The following ATL1 variants were observed in gnomAD, a reference collection of about 807,000 sequenced individuals.
The protein encoded by ATL1 is atlastin GTPase 1.
In ATL1, 31 loss-of-function variants were observed where a neutral mutation model predicts 75.5. That is an observed-to-expected ratio of 0.41 (90% CI 0.31 to 0.55). ATL1 has a LOEUF of 0.55. Among genes scored for constraint, ATL1 ranks in the 20% least tolerant of loss-of-function variants. The probability of loss-of-function intolerance (pLI) is 0.27; values close to 1 mark genes in which losing one functional copy is unlikely to be tolerated. For synonymous variants in ATL1, 226 were observed against 233.3 expected, an observed-to-expected ratio of 0.97 and a Z score of 0.28; for missense variants, 405 against 662.6, an observed-to-expected ratio of 0.61 and a Z score of 4.27.
At chr14:50,598,582 C>G (rs780432372) in intron 6 of ATL1, among the ~76,000 whole-genome samples, 13 of 152,024 alleles carry the variant, frequency 8.6e-5, no homozygotes, top group Non-Finnish European at 1.8e-4. Flanking sequence ...AGGATGGTCT[C>G]GAACTCCTGA....
chr14:50,619,964 C>T (rs370944676), intron 8 of ATL1, among the ~76,000 whole-genome samples: 34 of 152,224 alleles, frequency 2.2e-4, no homozygotes, highest in East Asian at 1.4e-3. Context: ...AGACTTAAAA[C>T]ATGAACTGGT....
intron 1 of ATL1, among the ~76,000 whole-genome samples, chr14:50,542,930 TA>T (rs1293688864): frequency 1.3e-5 from 2 of 152,230 alleles, no homozygotes; most frequent in Non-Finnish European, 2.9e-5. Context: ...GCACAGTAGC[TA>T]ATAGGTTGGT....
chr14:50,604,797 CA>C (rs2039301898), intron 6 of ATL1, among the ~76,000 whole-genome samples: 1 of 151,916 alleles, frequency 6.6e-6, no homozygotes, highest in South Asian at 2.1e-4. Flanking sequence ...GTGGTTAATA[CA>C]AAAAGAAAAT....
intron 6 of ATL1, among the ~76,000 whole-genome samples, chr14:50,603,004 A>T (rs927367191): frequency 1.2e-4 from 19 of 152,328 alleles, no homozygotes; most frequent in African/African-American, 4.3e-4. Context: ...AGCAGACAGC[A>T]TCTATGGCAG....
chr14:50,604,910 T>C (rs1434049196), intron 6 of ATL1, among the ~76,000 whole-genome samples: 3 of 152,068 alleles, frequency 2.0e-5, no homozygotes, highest in Non-Finnish European at 4.4e-5. Flanking sequence ...AAGGTGATCC[T>C]AGAGCATGGT....
At chr14:50,624,208 A>G (rs2039495274) in intron 11 of ATL1, among the ~76,000 whole-genome samples, 1 of 152,100 alleles carries the variant, frequency 6.6e-6, no homozygotes, top group Non-Finnish European at 1.5e-5. Flanking sequence ...TACATACCTC[A>G]TTTTATTGAG....
chr14:50,536,107 C>G (rs2038488425), intron 1 of ATL1, among the ~76,000 whole-genome samples: 1 of 152,118 alleles, frequency 6.6e-6, no homozygotes, highest in Non-Finnish European at 1.5e-5. Context: ...GTAGATTGCC[C>G]GGTCTCAGGT....
At position 50,623,309 on chromosome 14, in the gene ATL1, TTC is replaced by T. The variant is rs1566733947; in HGVS notation, c.1119+65_1119+66del. The T allele has an allele frequency of 3.0e-6, 4 of 1,344,822 alleles. No homozygotes were observed. The African/African-American group carries it at 5.8e-5, about 19-fold the overall frequency. 83.3% of individuals were successfully genotyped at this position (1,344,822 alleles called of 1,614,324 possible). On this transcript the variant is annotated intron_variant, in intron 11 of 13. Coordinates refer to ENST00000358385, the MANE Select transcript of ATL1 (RefSeq NM_015915.5). ...AAACCAGTATCCTTCATGCAACTCATTCTCTTTTTTCTTCCATGTTACACTGT... is the reference window on the plus strand; with the variant it reads ...AAACCAGTATCCTTCATGCAACTCATTCTTTTTTCTTCCATGTTACACTGT...
chr14:50,582,881 G>A (rs140767261), intron 1 of ATL1, among the ~76,000 whole-genome samples: 4 of 152,178 alleles, frequency 2.6e-5, no homozygotes, highest in Non-Finnish European at 4.4e-5. Flanking sequence ...ACTATACCCT[G>A]AGACTATTAG....
intron 6 of ATL1, among the ~76,000 whole-genome samples, chr14:50,611,075 C>G (rs2039361542): frequency 6.6e-6 from 1 of 151,976 alleles, no homozygotes; most frequent in Non-Finnish European, 1.5e-5. Flanking sequence ...CTGACTTGCA[C>G]TGGTGTTGCT....
At chr14:50,586,605 T>A (rs2039104182) in intron 1 of ATL1, among the ~76,000 whole-genome samples, 1 of 152,218 alleles carries the variant, frequency 6.6e-6, no homozygotes, top group Non-Finnish European at 1.5e-5. Flanking sequence ...ATCTGAGGAA[T>A]TAATTGGTGT....
intron 1 of ATL1, 99 bp from the exon 2 acceptor site, chr14:50,587,732 G>T: frequency 6.7e-7 from 1 of 1,490,788 alleles, no homozygotes; most frequent in Non-Finnish European, 9.3e-7. Context: ...TATAATTCCA[G>T]TATGCTCCTG....
At position 50,588,077 on chromosome 14, in the gene ATL1, A is replaced by C. The variant is rs1238170059; in HGVS notation, c.281A>C (p.Gln94Pro). The change falls in exon 2 of 14, where the codon CAG (glutamine) becomes CCG (proline). Residue 94 changes from glutamine to proline, a missense_variant and splice_region_variant. Gln to Pro is a moderately conservative substitution (Grantham distance 76). This residue lies in a region of ATL1 where 126 missense variants were observed against 172.0 expected (regional missense o/e 0.73). Coordinates refer to ENST00000358385, the MANE Select transcript of ATL1 (RefSeq NM_015915.5). ...MDFMLRYMYN[Q>P]ESVDWVGDYN... ...TTCATGTTGAGATACATGTACAACC[A>C]GGTATGCAGGAAGTACTTTAAAAAG... The C allele has an allele frequency of 6.2e-7, 1 of 1,614,202 alleles. No homozygotes were observed. The highest frequency in any genetic ancestry group is 2.2e-5 in the East Asian group (1 of 44,892).
upstream of ATL1, chr14:50,560,040 C>A: frequency 1.7e-6 from 1 of 596,294 alleles, no homozygotes; most frequent in Admixed American, 2.7e-5. Context: ...GGGTGTGACG[C>A]TGGTATCTGT....
At chr14:50,622,871 G>T (rs966363129) in intron 10 of ATL1, among the ~76,000 whole-genome samples, 3 of 152,036 alleles carry the variant, frequency 2.0e-5, no homozygotes, top group African/African-American at 7.2e-5. Context: ...ATGAGTTTGG[G>T]TTTATGATTT....
chr14:50,597,220 C>CAAAAAAAAAAAAAAAAAAAAAAAAAAAA (rs372066395), intron 6 of ATL1, among the ~76,000 whole-genome samples: 8 of 108,312 alleles, frequency 7.4e-5, no homozygotes, highest in African/African-American at 1.2e-4. Context: ...AAAAAACAAA[C>CAAAAAAAAAAAAAAAAAAAAAAAAAAAA]AAAAAAAAAA....
At chr14:50,570,618 T>G (rs2038946419) in intron 1 of ATL1, among the ~76,000 whole-genome samples, 1 of 152,222 alleles carries the variant, frequency 6.6e-6, no homozygotes, top group Non-Finnish European at 1.5e-5. Flanking sequence ...GTCATTTTCT[T>G]GACTTTCTCC....
chr14:50,537,892 T>G (rs1262041730), intron 1 of ATL1, among the ~76,000 whole-genome samples: 11 of 152,216 alleles, frequency 7.2e-5, no homozygotes, highest in Admixed American at 7.2e-4. Flanking sequence ...TGGAAGGGAC[T>G]TGCCTTTGTC....
chr14:50,546,846 T>A (rs78476067), intron 1 of ATL1, among the ~76,000 whole-genome samples: 2,181 of 146,576 alleles, frequency 0.015, 18 homozygotes, highest in Non-Finnish European at 0.023. Context: ...GGTTTTTTTT[T>A]AATTATTATA....
Sources: allele counts gnomAD v4.1 joint callset (sites outside exome capture counted in the v4.1 genomes callset), GRCh38; gene constraint gnomAD v4.1.1; regional missense constraint gnomAD v4.1.1; transcripts MANE v1.5; gene names NCBI Gene and HGNC (gene_info 2026-07-23, HGNC 2026-07-21).